Variants in ATP13A4 observed in about 807,000 individuals in gnomAD.
ATP13A4 encodes ATPase 13A4.
In ATP13A4, 114 loss-of-function variants were observed where a neutral mutation model predicts 142.5. The ratio of observed to expected loss-of-function variants is 0.80; its 90% CI spans 0.69 to 0.93. ATP13A4 has a LOEUF of 0.93. Among genes scored for constraint, ATP13A4 ranks in the 40% least tolerant of loss-of-function variants. ATP13A4 has a pLI of 0.00. For synonymous variants in ATP13A4, 488 were observed against 514.8 expected (o/e 0.95, Z 0.70); for missense variants, 1,392 against 1,454.0 (o/e 0.96, Z 0.69).
At chr3:193,524,304 G>A (rs1161236557) in intron 1 of ATP13A4, among the ~76,000 whole-genome samples, 1 of 152,158 alleles carries the variant, frequency 6.6e-6, no homozygotes, top group Non-Finnish European at 1.5e-5. Context: ...GCATCTGCAG[G>A]AGGACAGTCT....
Position 193,467,879 on chromosome 3 carries a change from T to G in ATP13A4, c.944-393A>C, listed in dbSNP as rs984061285. 2.6e-5 allele frequency among the ~76,000 whole-genome samples: 4 copies of G among 152,222 alleles called. No homozygotes were observed. The South Asian group carries it at 8.3e-4, about 32-fold the overall frequency. ...GGAGAACCCTAACTGTCCACAGATA[T>G]GTCTAAAGGCACTGGTGGGCTGGGC... On this transcript the variant is annotated intron_variant, in intron 9 of 29. Transcript: ENST00000342695.
At chr3:193,487,420 T>C (rs1274744395) in intron 7 of ATP13A4, among the ~76,000 whole-genome samples, 2 of 152,188 alleles carry the variant, frequency 1.3e-5, no homozygotes, top group East Asian at 3.8e-4. Flanking sequence ...CTATTTTCAC[T>C]TATATTGGCA....
At chr3:193,449,427 C>T (rs572823577) in intron 17 of ATP13A4, among the ~76,000 whole-genome samples, 3 of 152,336 alleles carry the variant, frequency 2.0e-5, no homozygotes, top group Admixed American at 1.3e-4. Flanking sequence ...CAGTCATGAA[C>T]TAGCGTTAGT....
intron 13 of ATP13A4, among the ~76,000 whole-genome samples, chr3:193,460,383 G>T (rs1717882655): frequency 6.6e-6 from 1 of 152,162 alleles, no homozygotes; most frequent in African/African-American, 2.4e-5. Context: ...AGTTGCTGTA[G>T]CCCTTTGTTT....
chr3:193,570,049 C>T (rs1724225764), intron 2 of ATP13A4, among the ~76,000 whole-genome samples: 1 of 152,104 alleles, frequency 6.6e-6, no homozygotes, highest in Non-Finnish European at 1.5e-5. Context: ...CCTGTAATCC[C>T]AGCACTTTGG....
chr3:193,565,108 C>T (rs1203706833), intron 2 of ATP13A4, among the ~76,000 whole-genome samples: 2 of 152,008 alleles, frequency 1.3e-5, no homozygotes, highest in Non-Finnish European at 2.9e-5. Flanking sequence ...ATAGAAATAC[C>T]GTGCACAATA....
intron 2 of ATP13A4, among the ~76,000 whole-genome samples, chr3:193,581,259 A>G (rs1724539060): frequency 6.6e-6 from 1 of 152,208 alleles, no homozygotes; most frequent in African/African-American, 2.4e-5. Flanking sequence ...ATGTAAAACC[A>G]CAGACAGAAC....
intron 24 of ATP13A4, among the ~76,000 whole-genome samples, chr3:193,434,430 T>C (rs917262964): frequency 3.3e-5 from 5 of 152,192 alleles, no homozygotes; most frequent in African/African-American, 9.7e-5. Flanking sequence ...AAAAGTGCTA[T>C]GTCTTACTGA....
chr3:193,449,455 G>A (rs1193484875), intron 17 of ATP13A4, among the ~76,000 whole-genome samples: 2 of 152,206 alleles, frequency 1.3e-5, no homozygotes, highest in Non-Finnish European at 2.9e-5. Context: ...CCAGGAAACT[G>A]CTAAAGCCTC....
intron 8 of ATP13A4, among the ~76,000 whole-genome samples, chr3:193,478,302 A>T (rs1455203322): frequency 6.6e-6 from 1 of 151,974 alleles, no homozygotes. Context: ...ATTGAAACAA[A>T]AAAAAAGCCC....
intron 7 of ATP13A4, among the ~76,000 whole-genome samples, chr3:193,487,593 G>T (rs1719703036): frequency 6.6e-6 from 1 of 152,094 alleles, no homozygotes; most frequent in Non-Finnish European, 1.5e-5. Context: ...GGGATTACAG[G>T]TGTGAGCCTC....
intron 2 of ATP13A4, among the ~76,000 whole-genome samples, chr3:193,580,733 C>T (rs1012540398): frequency 6.6e-6 from 1 of 152,024 alleles, no homozygotes; most frequent in African/African-American, 2.4e-5. Flanking sequence ...ACCTCAGAAC[C>T]GGTGAGCGGG....
rs147363789 is a variant in ATP13A4 at position 193,503,360 on chromosome 3, A to G, written c.235-721T>C. Among the ~76,000 whole-genome samples, 271 of 152,334 alleles carry G rather than the reference A, an allele frequency of 1.8e-3. 1 individual carries two copies. The highest frequency in any genetic ancestry group is 6.3e-3 in the African/African-American group (261 of 41,588). On this transcript the variant is annotated intron_variant, in intron 2 of 29. Transcript: ENST00000342695. ...GCAGTTCACTGATTACTTCACACAG[A>G]GTAAAATTAGAGGGAGAAGCACAGG...
At chr3:193,589,180 A>ATATATATATGTGTGTGTGTG (rs1175256837) in intron 1 of ATP13A4, among the ~76,000 whole-genome samples, 113 of 151,336 alleles carry the variant, frequency 7.5e-4, no homozygotes, top group African/African-American at 2.5e-3. Flanking sequence ...ATATATATAT[A>ATATATATATGTGTGTGTGTG]TGTGTGTGTG....
chr3:193,519,714 G>A (rs760461306), intron 1 of ATP13A4, among the ~76,000 whole-genome samples: 10 of 136,002 alleles, frequency 7.4e-5, no homozygotes, highest in African/African-American at 1.4e-4. Flanking sequence ...GCGCAATCTC[G>A]GCTCACTGCA....
intron 25 of ATP13A4, among the ~76,000 whole-genome samples, chr3:193,417,378 T>C (rs531140710): frequency 2.0e-5 from 3 of 152,364 alleles, no homozygotes; most frequent in African/African-American, 7.2e-5. Flanking sequence ...TATATATCCA[T>C]GTTATTTAGT....
At chr3:193,562,933 A>T (rs1176444777) in intron 2 of ATP13A4, among the ~76,000 whole-genome samples, 2 of 152,200 alleles carry the variant, frequency 1.3e-5, no homozygotes, top group African/African-American at 4.8e-5. Context: ...ATCATGTGAC[A>T]GCCATGAAAA....
In ATP13A4 at chr3:193,466,159, G is replaced by T. The variant is rs1718270509; in HGVS notation, c.1138C>A (p.Leu380Ile). The change falls in exon 11 of 30, where the codon CTT becomes ATT. Residue 380 changes from leucine to isoleucine, a missense_variant. Physicochemically the swap from Leu to Ile is conservative, Grantham distance 5. Transcript: ENST00000342695. The stretch of plus-strand genomic sequence containing the variant: ...TTAGGGTAGAGAATGGATCTCACAA[G>T]GTCTCCCTTTGCAGTGTTGAATCCT... ...QTGFNTAKGD[L>I]VRSILYPKPV... The T allele has an allele frequency of 1.9e-6, 3 of 1,613,984 alleles. No homozygotes were observed. Among genetic ancestry groups the T allele is most frequent in the Non-Finnish European group, 2.5e-6 (3 of 1,179,930 alleles).
intron 1 of ATP13A4, among the ~76,000 whole-genome samples, chr3:193,548,864 C>T (rs965193848): frequency 1.3e-5 from 2 of 152,122 alleles, no homozygotes; most frequent in Admixed American, 6.5e-5. Context: ...AAGAGTTTAC[C>T]GTGCTTTTCC....
Sources: allele counts gnomAD v4.1 joint callset (sites outside exome capture counted in the v4.1 genomes callset), GRCh38; gene constraint gnomAD v4.1.1; transcripts MANE v1.5; gene names NCBI Gene and HGNC (gene_info 2026-07-23, HGNC 2026-07-21).